Variants in CTNNA3 observed in about 807,000 individuals in gnomAD.
CTNNA3 encodes the protein catenin alpha-3.
A neutral mutation model predicts 95.7 loss-of-function variants in CTNNA3; 76 were observed. The observed-to-expected ratio is 0.79, with a 90% confidence interval of 0.66 to 0.96. The LOEUF (loss-of-function observed/expected upper bound fraction) is 0.96. Ranked by LOEUF, CTNNA3 falls within the 40% of genes least tolerant of loss-of-function variation. CTNNA3 has a pLI of 0.00. For synonymous variants in CTNNA3, 431 were observed against 374.4 expected (o/e 1.15, Z -1.74); for missense variants, 1,191 against 1,089.8 (o/e 1.09, Z -1.31).
intron 5 of CTNNA3, among the ~76,000 whole-genome samples, chr10:67,253,058 G>T (rs1050620250): frequency 6.6e-6 from 1 of 151,992 alleles, no homozygotes; most frequent in African/African-American, 2.4e-5. Flanking sequence ...GCACTTAAAG[G>T]AATAACTTTA....
chr10:67,196,325 G>C (rs1213425363), intron 6 of CTNNA3, among the ~76,000 whole-genome samples: 1 of 151,796 alleles, frequency 6.6e-6, no homozygotes, highest in African/African-American at 2.4e-5. Flanking sequence ...TGGTACATTA[G>C]TGTAATCTAC....
chr10:66,690,199 G>C (rs569531344), intron 9 of CTNNA3, among the ~76,000 whole-genome samples: 1 of 152,050 alleles, frequency 6.6e-6, no homozygotes, highest in Non-Finnish European at 1.5e-5. Context: ...GTTCATCAAT[G>C]GTGGCTCTAG....
intron 15 of CTNNA3, among the ~76,000 whole-genome samples, chr10:66,062,058 T>G (rs2080211828): frequency 6.6e-6 from 1 of 152,132 alleles, no homozygotes; most frequent in Admixed American, 6.6e-5. Flanking sequence ...TTTGCTTGTG[T>G]GTCCTTGGGC....
At chr10:67,499,697 G>A (rs1042667011) in intron 5 of CTNNA3, among the ~76,000 whole-genome samples, 4 of 151,916 alleles carry the variant, frequency 2.6e-5, no homozygotes, top group African/African-American at 4.8e-5. Flanking sequence ...CCATTTCTTC[G>A]AGATTTTCTA....
intron 15 of CTNNA3, among the ~76,000 whole-genome samples, chr10:66,042,855 G>A (rs1184410803): frequency 3.2e-5 from 4 of 125,444 alleles, no homozygotes; most frequent in African/African-American, 6.2e-5. Context: ...AGCCGAGATC[G>A]CTCTATTGTA....
At chr10:66,012,109 T>A (rs2079015994) in intron 15 of CTNNA3, among the ~76,000 whole-genome samples, 1 of 152,230 alleles carries the variant, frequency 6.6e-6, no homozygotes. Context: ...TAAATTTATT[T>A]ATAGTGCACT....
chr10:67,696,861 C>T (rs184489350), upstream of CTNNA3, among the ~76,000 whole-genome samples: 30 of 152,282 alleles, frequency 2.0e-4, no homozygotes, highest in Admixed American at 5.9e-4. Context: ...AATTCCTTGA[C>T]ATCCCACTCG....
chr10:66,086,470 G>T (rs1042123440), intron 14 of CTNNA3, among the ~76,000 whole-genome samples: 1 of 151,932 alleles, frequency 6.6e-6, no homozygotes, highest in Non-Finnish European at 1.5e-5. Flanking sequence ...CTTAAGCATG[G>T]GCTTTCATGG....
chr10:67,286,489 G>C (rs903063707), intron 5 of CTNNA3, among the ~76,000 whole-genome samples: 2 of 152,202 alleles, frequency 1.3e-5, no homozygotes, highest in Non-Finnish European at 2.9e-5. Flanking sequence ...GGGTTAATGT[G>C]AAGATTACAT....
chr10:66,961,110 T>G (rs891304978), intron 7 of CTNNA3, among the ~76,000 whole-genome samples: 1 of 152,200 alleles, frequency 6.6e-6, no homozygotes, highest in Non-Finnish European at 1.5e-5. Context: ...TAGCAAGGTC[T>G]TCTAGCAAGT....
chr10:66,965,411 T>C (rs1849349578), intron 7 of CTNNA3, among the ~76,000 whole-genome samples: 1 of 151,784 alleles, frequency 6.6e-6, no homozygotes, highest in Non-Finnish European at 1.5e-5. Context: ...GGCAGGTGCC[T>C]ATAGTCCCAG....
At chr10:67,742,150 A>G (rs1014406798) in intron 1 of CTNNA3, among the ~76,000 whole-genome samples, 6 of 151,220 alleles carry the variant, frequency 4.0e-5, no homozygotes, top group African/African-American at 1.5e-4. Context: ...CTCTGCACCA[A>G]GCGGACCTAA....
chr10:66,402,439 A>T (rs1225562529), intron 11 of CTNNA3, among the ~76,000 whole-genome samples: 1 of 152,194 alleles, frequency 6.6e-6, no homozygotes, highest in African/African-American at 2.4e-5. Flanking sequence ...AAGTTGTTCA[A>T]ATGAACCAAT....
intron 1 of CTNNA3, among the ~76,000 whole-genome samples, chr10:67,725,811 C>A (rs923222209): frequency 6.7e-6 from 1 of 150,102 alleles, no homozygotes; most frequent in Non-Finnish European, 1.5e-5. Flanking sequence ...ACCCCTTATT[C>A]GCCAAAATCT....
At chr10:67,108,996 A>T (rs1376969265) in intron 7 of CTNNA3, among the ~76,000 whole-genome samples, 1 of 152,188 alleles carries the variant, frequency 6.6e-6, no homozygotes, top group Non-Finnish European at 1.5e-5. Flanking sequence ...AATTCAATGT[A>T]CTGTCAGAAG....
At chr10:66,919,202 A>T (rs1346022593) in intron 7 of CTNNA3, among the ~76,000 whole-genome samples, 1 of 152,000 alleles carries the variant, frequency 6.6e-6, no homozygotes, top group African/African-American at 2.4e-5. Flanking sequence ...AAAGAAAAAA[A>T]TATTGCACTT....
intron 7 of CTNNA3, among the ~76,000 whole-genome samples, chr10:66,833,974 T>C (rs1459199791): frequency 1.3e-5 from 2 of 152,190 alleles, no homozygotes; most frequent in East Asian, 1.9e-4. Context: ...AAGAGCCTAG[T>C]TGTCTTGCCA....
intron 17 of CTNNA3, among the ~76,000 whole-genome samples, chr10:65,948,240 C>T (rs1213757823): frequency 7.0e-6 from 1 of 143,522 alleles, no homozygotes. Context: ...GAGATCATGC[C>T]ACTGCACTCC....
chr10:67,698,444 C>T (rs1191727551), upstream of CTNNA3, among the ~76,000 whole-genome samples: 2 of 152,084 alleles, frequency 1.3e-5, no homozygotes, highest in African/African-American at 4.8e-5. Flanking sequence ...GAAGGGAGGC[C>T]TCCAAAAAGA....
Sources: gnomAD v4.1 joint callset for allele counts (sites outside exome capture counted in the v4.1 genomes callset) on GRCh38, gnomAD v4.1.1 for gene constraint, MANE v1.5 for transcripts, NCBI Gene and HGNC (gene_info 2026-07-23, HGNC 2026-07-21) for gene names.